The following NKAIN2 variants were observed in gnomAD, a reference collection of about 807,000 sequenced individuals.
NKAIN2 encodes sodium/potassium transporting ATPase interacting 2.
A neutral mutation model predicts 32.6 loss-of-function variants in NKAIN2; 14 were observed. That is an observed-to-expected ratio of 0.43 (90% confidence interval 0.28 to 0.67). The LOEUF (loss-of-function observed/expected upper bound fraction) is 0.67, where lower values mean the gene tolerates loss of function less well. Ranked by LOEUF, NKAIN2 falls within the 30% of genes least tolerant of loss-of-function variation. The pLI is 0.17. For synonymous variants in NKAIN2, 80 were observed against 87.2 expected (o/e 0.92, Z 0.46); for missense variants, 198 against 258.3 (o/e 0.77, Z 1.60).
intron 3 of NKAIN2, among the ~76,000 whole-genome samples, chr6:124,467,893 C>G (rs1470561345): frequency 6.6e-6 from 1 of 151,882 alleles, no homozygotes; most frequent in Non-Finnish European, 1.5e-5. Flanking sequence ...ATTTTATGTC[C>G]TACTAGTTGG....
intron 1 of NKAIN2, among the ~76,000 whole-genome samples, chr6:124,245,315 G>A (rs188987473): frequency 2.6e-5 from 4 of 152,166 alleles, no homozygotes; most frequent in Admixed American, 1.3e-4. Flanking sequence ...CAGCAGCTTA[G>A]TGAATATTTA....
intron 4 of NKAIN2, among the ~76,000 whole-genome samples, chr6:124,733,920 G>A (rs1025713326): frequency 3.3e-5 from 5 of 151,598 alleles, no homozygotes; most frequent in African/African-American, 9.7e-5. Context: ...GTAGCAATGG[G>A]CACATCTAAC....
At chr6:124,727,965 C>T (rs1238827728) in intron 4 of NKAIN2, among the ~76,000 whole-genome samples, 1 of 149,584 alleles carries the variant, frequency 6.7e-6, no homozygotes, top group East Asian at 2.0e-4. Context: ...CAAAGAAGGC[C>T]ATTACATAAT....
At chr6:123,857,973 T>C (rs984335972) in intron 1 of NKAIN2, among the ~76,000 whole-genome samples, 1 of 152,196 alleles carries the variant, frequency 6.6e-6, no homozygotes, top group Non-Finnish European at 1.5e-5. Context: ...CTTGGAGAGA[T>C]AGTGTGAATG....
At chr6:124,330,597 G>T (rs2115048782) in intron 2 of NKAIN2, among the ~76,000 whole-genome samples, 1 of 152,310 alleles carries the variant, frequency 6.6e-6, no homozygotes, top group East Asian at 1.9e-4. Context: ...TAATTCCTGA[G>T]CAAGAACTTG....
chr6:124,344,989 T>A (rs1798331912), intron 2 of NKAIN2, among the ~76,000 whole-genome samples: 1 of 152,210 alleles, frequency 6.6e-6, no homozygotes, highest in Non-Finnish European at 1.5e-5. Context: ...TAGCCCTTAT[T>A]ATTTTGAGAT....
chr6:124,721,523 C>G (rs118068412), intron 4 of NKAIN2, among the ~76,000 whole-genome samples: 2,395 of 152,204 alleles, frequency 0.016, 30 homozygotes, highest in Middle Eastern at 0.034. Context: ...AACCCGCTGG[C>G]TGCCAAGTTT....
At chr6:124,652,318 C>T (rs978521527) in intron 3 of NKAIN2, among the ~76,000 whole-genome samples, 1 of 152,218 alleles carries the variant, frequency 6.6e-6, no homozygotes, top group Middle Eastern at 3.2e-3. Context: ...ATCATAACCA[C>T]TTAAGTAATC....
chr6:124,544,255 G>A (rs1780011589), intron 3 of NKAIN2, among the ~76,000 whole-genome samples: 1 of 151,846 alleles, frequency 6.6e-6, no homozygotes, highest in Non-Finnish European at 1.5e-5. Flanking sequence ...GAGCCAACCA[G>A]GGACATTACA....
At chr6:124,563,607 G>A (rs1780787550) in intron 3 of NKAIN2, among the ~76,000 whole-genome samples, 2 of 152,132 alleles carry the variant, frequency 1.3e-5, no homozygotes, top group African/African-American at 4.8e-5. Flanking sequence ...CGTTTGCCTG[G>A]AAAGCAGCAA....
intron 3 of NKAIN2, among the ~76,000 whole-genome samples, chr6:124,506,968 A>G (rs1194013826): frequency 6.6e-6 from 1 of 152,244 alleles, no homozygotes; most frequent in East Asian, 1.9e-4. Context: ...AGAATCTGCA[A>G]TCCTGACAGA....
At chr6:123,934,420 TC>T (rs1420891362) in intron 1 of NKAIN2, among the ~76,000 whole-genome samples, 1 of 152,098 alleles carries the variant, frequency 6.6e-6, no homozygotes, top group Non-Finnish European at 1.5e-5. Context: ...TCTAAAACCT[TC>T]CCCCACTACT....
intron 3 of NKAIN2, among the ~76,000 whole-genome samples, chr6:124,618,073 A>C (rs943797467): frequency 1.3e-5 from 2 of 152,236 alleles, no homozygotes; most frequent in Non-Finnish European, 2.9e-5. Context: ...TTTCTGTGCA[A>C]ATTTATAATA....
chr6:123,975,809 A>T (rs557863826), intron 1 of NKAIN2, among the ~76,000 whole-genome samples: 2 of 152,094 alleles, frequency 1.3e-5, no homozygotes, highest in African/African-American at 4.8e-5. Flanking sequence ...CTTTCACCGT[A>T]ATATCAATAA....
intron 3 of NKAIN2, among the ~76,000 whole-genome samples, chr6:124,459,486 G>A (rs764336390): frequency 1.3e-5 from 2 of 151,864 alleles, no homozygotes; most frequent in Non-Finnish European, 2.9e-5. Flanking sequence ...TATAAGCTGA[G>A]TGTAATCACA....
intron 4 of NKAIN2, among the ~76,000 whole-genome samples, chr6:124,659,766 G>T (rs2114432629): frequency 6.6e-6 from 1 of 152,058 alleles, no homozygotes; most frequent in East Asian, 1.9e-4. Flanking sequence ...AAGGCTCATT[G>T]TTCACAGTTC....
At chr6:124,557,593 G>T (rs1285246960) in intron 3 of NKAIN2, among the ~76,000 whole-genome samples, 1 of 152,066 alleles carries the variant, frequency 6.6e-6, no homozygotes, top group African/African-American at 2.4e-5. Flanking sequence ...AAAGAAAGAG[G>T]AATTAAGCAT....
rs144954963 is a variant in NKAIN2 at position 124,175,025 on chromosome 6, G to A, written c.55-107980G>A. Among the ~76,000 whole-genome samples, 859 of 152,180 alleles carry A rather than the reference G, an allele frequency of 5.6e-3. 11 individuals carry two copies. The highest frequency in any genetic ancestry group is 0.018 in the African/African-American group (727 of 41,536). ...TTCTCCTTTTACTTTGTGAATACCT[G>A]TATCTACCTTATTAAAATAAGGCCA... On this transcript the variant is annotated intron_variant, in intron 1 of 6. Coordinates refer to ENST00000368417, the MANE Select transcript of NKAIN2 (RefSeq NM_001040214.3).
intron 1 of NKAIN2, among the ~76,000 whole-genome samples, chr6:123,970,610 G>A (rs1394777437): frequency 6.6e-6 from 1 of 152,002 alleles, no homozygotes; most frequent in African/African-American, 2.4e-5. Context: ...TGGGTGTGGT[G>A]GCTCATGTCT....
Sources: allele counts gnomAD v4.1 joint callset (sites outside exome capture counted in the v4.1 genomes callset), GRCh38; gene constraint gnomAD v4.1.1; transcripts MANE v1.5; gene names NCBI Gene and HGNC (gene_info 2026-07-23, HGNC 2026-07-21).